UBQLN1: variants seen among roughly 807,000 people sequenced by gnomAD.
The protein encoded by UBQLN1 is ubiquilin 1, also known as ubiquilin-1.
Under a neutral mutation model 65.4 loss-of-function variants are expected in UBQLN1, and 13 were observed. The observed-to-expected ratio is 0.20, with a 90% confidence interval of 0.13 to 0.32. UBQLN1 has a LOEUF of 0.32. UBQLN1 is among the 10% of genes least tolerant of loss of function. The pLI, the probability that UBQLN1 is intolerant of heterozygous loss-of-function variation, is 1.00. For missense variants in UBQLN1, 561 were observed against 724.0 expected (o/e 0.77, Z 2.58); for synonymous variants, 267 against 247.8 (o/e 1.08, Z -0.73).
intron 1 of UBQLN1, among the ~76,000 whole-genome samples, chr9:83,707,264 C>T (rs1832427146): frequency 6.6e-6 from 1 of 152,156 alleles, no homozygotes; most frequent in Non-Finnish European, 1.5e-5. Flanking sequence ...AGAAGGAAGG[C>T]TCCGAGAAAA....
Position 83,663,860 on chromosome 9 carries a change from G to A in UBQLN1, c.1617+15C>T, listed in dbSNP as rs758997275. 2.5e-6 allele frequency: 4 copies of A among 1,604,686 alleles called. No homozygotes were observed. The highest frequency in any genetic ancestry group is 3.4e-6 in the Non-Finnish European group (4 of 1,177,130). ...CATTAAGGAATACAAAACTTGAATGGAAAAGAACTGATACCTGAGGATTTA... is the reference window on the plus strand; with the variant it reads ...CATTAAGGAATACAAAACTTGAATGAAAAAGAACTGATACCTGAGGATTTA... On this transcript the variant is annotated intron_variant, in intron 10 of 10. Coordinates refer to ENST00000376395, the MANE Select transcript of UBQLN1 (RefSeq NM_013438.5).
In UBQLN1 at chr9:83,687,494, G is replaced by A. The variant is rs1003738036; in HGVS notation, c.181-1339C>T. 4.6e-5 allele frequency among the ~76,000 whole-genome samples: 7 copies of A among 152,148 alleles called. No homozygotes were observed. The South Asian group carries it at 6.2e-4, about 14-fold the overall frequency. ...AACCACTCTACCTCACTGTCCCACA[G>A]CAGTGGATCTCAACAGATAAGGAAA... is the stretch of plus-strand genomic sequence containing the variant. On this transcript the variant is annotated intron_variant, in intron 1 of 10. Transcript: ENST00000376395.
At chr9:83,699,109 G>A (rs1178159395) in intron 1 of UBQLN1, among the ~76,000 whole-genome samples, 2 of 152,094 alleles carry the variant, frequency 1.3e-5, no homozygotes, top group East Asian at 1.9e-4. Flanking sequence ...GGGGAAAATG[G>A]GGAGTTACTG....
Position 83,679,016 on chromosome 9 carries a change from C to T in UBQLN1, c.712-417G>A, listed in dbSNP as rs528429817. 1.4e-4 allele frequency among the ~76,000 whole-genome samples: 22 copies of T among 152,202 alleles called. 1 individual carries two copies. Among genetic ancestry groups the T allele is most frequent in the African/African-American group, 3.9e-4 (16 of 41,538 alleles). ...GATTACAAGCGTGAGCCACCGCGCC[C>T]GGCCAGGAGGCCACTGTTTTGGACC... On this transcript the variant is annotated intron_variant, in intron 4 of 10. Transcript: ENST00000376395.
rs1448523985 is a variant in UBQLN1 at position 83,707,673 on chromosome 9, C to G, written c.7G>C (p.Glu3Gln). 5 of 1,545,162 alleles carry G rather than the reference C, an allele frequency of 3.2e-6. No individual in the cohort carries two copies. Among genetic ancestry groups the G allele is most frequent in the African/African-American group, 1.4e-5 (1 of 72,076 alleles). The change falls in exon 1 of 11, where the codon GAG (glutamate) becomes CAG (glutamine). Residue 3 changes from glutamate (E) to glutamine (Q), a missense_variant. Glu to Gln is a conservative substitution (Grantham distance 29). Coordinates refer to ENST00000376395, the MANE Select transcript of UBQLN1 (RefSeq NM_013438.5). Reference sequence around the variant, plus strand: ...GGAGGACCGCCGCTTTCACCACTCTCGGCCATGGCTGTGGCGGCGGCGGCG... The same window carrying G: ...GGAGGACCGCCGCTTTCACCACTCTGGGCCATGGCTGTGGCGGCGGCGGCG... MA[E>Q]SGESGGPPGS...
At chr9:83,694,458 T>C (rs1360146350) in intron 1 of UBQLN1, among the ~76,000 whole-genome samples, 1 of 152,212 alleles carries the variant, frequency 6.6e-6, no homozygotes, top group Non-Finnish European at 1.5e-5. Context: ...AACCTTATAG[T>C]AGTCTTATTT....
chr9:83,694,923 A>C (rs566662617), intron 1 of UBQLN1, among the ~76,000 whole-genome samples: 1 of 152,302 alleles, frequency 6.6e-6, no homozygotes, highest in African/African-American at 2.4e-5. Context: ...CTCCAATTCT[A>C]AGGTTCATGC....
chr9:83,675,467 T>G (rs1053440347), intron 6 of UBQLN1, among the ~76,000 whole-genome samples: 19 of 126,594 alleles, frequency 1.5e-4, no homozygotes, highest in Non-Finnish European at 2.4e-4. Context: ...TCCTATGCCG[T>G]CAAAAAAAAA....
chr9:83,684,243 G>C (rs1175295917), intron 2 of UBQLN1, among the ~76,000 whole-genome samples: 3 of 151,730 alleles, frequency 2.0e-5, no homozygotes, highest in Admixed American at 6.6e-5. Context: ...ACCCAGGCTG[G>C]AGGTGCAGTG....
At chr9:83,692,223 T>C (rs1194616762) in intron 1 of UBQLN1, among the ~76,000 whole-genome samples, 1 of 152,256 alleles carries the variant, frequency 6.6e-6, no homozygotes, top group East Asian at 1.9e-4. Flanking sequence ...TTAAATAATG[T>C]AGTGTTTTTA....
rs567443168 is a variant in UBQLN1, at chr9:83,668,703, T to C, written c.1248+482A>G. ...ATACGATTTTCAGCAGGGGAATCAA[T>C]AGTTGAAAGAAGGAGAACATTGTTC... On this transcript the variant is annotated intron_variant, in intron 7 of 10. Coordinates refer to ENST00000376395, the MANE Select transcript of UBQLN1 (RefSeq NM_013438.5). 401 of 898,712 alleles carry C rather than the reference T, an allele frequency of 4.5e-4. 6 individuals carry two copies. In the South Asian group the frequency reaches 0.018, roughly 40 times the overall value. 55.7% of individuals were successfully genotyped at this position (898,712 alleles called of 1,614,324 possible). A position where few individuals can be genotyped will look rare whatever the true frequency, so the allele number is the denominator to read the frequency against.
chr9:83,678,006 T>A (rs2131158248), intron 5 of UBQLN1, 45 bp from the exon 6 acceptor site: 1 of 1,412,484 alleles, frequency 7.1e-7, no homozygotes, highest in African/African-American at 1.4e-5. Flanking sequence ...AGCTTTTGTT[T>A]TAAATAAGAT....
intron 5 of UBQLN1, among the ~76,000 whole-genome samples, 189 bp downstream of exon 5, chr9:83,678,252 A>G (rs1004789421): frequency 6.6e-6 from 1 of 152,098 alleles, no homozygotes; most frequent in Non-Finnish European, 1.5e-5. Flanking sequence ...TGATCTCCTG[A>G]CCTCGGGATC....
At position 83,686,021 on chromosome 9, in the gene UBQLN1, G is replaced by A. The variant is rs1226805518; in HGVS notation, c.315C>T (p.Val105=). The A allele has an allele frequency of 2.5e-6, 4 of 1,604,512 alleles. No individual in the cohort carries two copies. Among genetic ancestry groups the A allele is most frequent in the South Asian group, 2.2e-5 (2 of 89,668 alleles). Residue 105 remains valine, a synonymous_variant, in exon 2 of 11, where the codon GTC becomes GTT. Transcript: ENST00000376395. ...GIHDGLTVHL[V]IKTQNRPQDH... is the part of the protein sequence containing the mutation. ...AACCATACCTGTTTTGTGTTTTAATGACAAGGTGAACAGTAAGTCCATCAT... is the reference window on the plus strand; with the variant it reads ...AACCATACCTGTTTTGTGTTTTAATAACAAGGTGAACAGTAAGTCCATCAT...
chr9:83,680,368 C>A (rs182560197), intron 3 of UBQLN1, among the ~76,000 whole-genome samples: 1 of 151,860 alleles, frequency 6.6e-6, no homozygotes, highest in Admixed American at 6.6e-5. Flanking sequence ...TTTTATTATT[C>A]ATTACAAGCC....
intron 2 of UBQLN1, among the ~76,000 whole-genome samples, chr9:83,684,837 A>AT (rs1415840156): frequency 1.4e-5 from 2 of 147,194 alleles, no homozygotes; most frequent in Middle Eastern, 3.6e-3. Context: ...AAGTAAGGAA[A>AT]TAAAAAAAAC....
intron 1 of UBQLN1, among the ~76,000 whole-genome samples, chr9:83,694,698 A>G (rs548540766): frequency 5.4e-4 from 83 of 152,302 alleles, no homozygotes; most frequent in South Asian, 2.5e-3. Context: ...ACTTCCTTCT[A>G]TTGCAAAAAC....
intron 10 of UBQLN1, 81 bp from the exon 11 acceptor site, chr9:83,662,020 CT>C: frequency 1.5e-6 from 2 of 1,336,888 alleles, no homozygotes; most frequent in Non-Finnish European, 2.1e-6. Context: ...TTTTTAATTG[CT>C]TTTTTATAAC....
At chr9:83,695,862 T>G (rs1232001022) in intron 1 of UBQLN1, among the ~76,000 whole-genome samples, 1 of 152,234 alleles carries the variant, frequency 6.6e-6, no homozygotes, top group East Asian at 1.9e-4. Flanking sequence ...AAACAGCAGA[T>G]TTAAGTATCA....
Sources: gnomAD v4.1 joint callset for allele counts (sites outside exome capture counted in the v4.1 genomes callset) on GRCh38, gnomAD v4.1.1 for gene constraint, MANE v1.5 for transcripts, NCBI Gene and HGNC (gene_info 2026-07-23, HGNC 2026-07-21) for gene names.